Variants in UCP2 observed in about 807,000 individuals in gnomAD.
UCP2 encodes dicarboxylate carrier SLC25A8.
Under a neutral mutation model 31.3 loss-of-function variants are expected in UCP2, and 27 were observed. That is an observed-to-expected ratio of 0.86 (90% CI 0.64 to 1.19). UCP2 has a LOEUF of 1.19. UCP2 is among the 50% of genes most tolerant of loss of function. UCP2 has a pLI of 0.00. For synonymous variants in UCP2, 142 were observed against 157.4 expected, an observed-to-expected ratio of 0.90 and a Z score of 0.73; for missense variants, 377 against 413.5, an observed-to-expected ratio of 0.91 and a Z score of 0.76.
Position 73,978,072 on chromosome 11 carries a change from C to T in UCP2, c.151G>A (p.Val51Met), listed in dbSNP as rs369398270. Reference sequence around the variant, plus strand: ...TACTGGGCGCTGGCTGTAGCGCGCACTGGCCCCTGACTTTCTCCTTGGATC... The same window carrying T: ...TACTGGGCGCTGGCTGTAGCGCGCATTGGCCCCTGACTTTCTCCTTGGATC... The part of the protein sequence containing the change: ...LQIQGESQGP[V>M]RATASAQYRG... Residue 51 changes from valine to methionine, a missense_variant, in exon 4 of 8, where the codon GTG (valine) becomes ATG (methionine). Transcript: ENST00000663595. 21 of 1,614,020 alleles carry T rather than the reference C, an allele frequency of 1.3e-5. No individual in the cohort carries two copies. Among genetic ancestry groups the T allele is most frequent in the Non-Finnish European group, 1.8e-5 (21 of 1,180,008 alleles).
chr11:73,977,781 T>TC, intron 4 of UCP2, 105 bp downstream of exon 4: 2 of 1,470,478 alleles, frequency 1.4e-6, no homozygotes, highest in Non-Finnish European at 1.9e-6. Context: ...CCCCTGATCT[T>TC]CCTAGGGATC....
chr11:73,975,227 G>T (rs1462719919), intron 7 of UCP2, 106 bp from the exon 8 acceptor site: 3 of 1,131,862 alleles, frequency 2.7e-6, no homozygotes, highest in South Asian at 1.3e-5. Context: ...AGGAGGCTGG[G>T]AGGACTCAAT....
chr11:73,980,773 G>C (rs1372099434), intron 2 of UCP2: 2 of 152,212 alleles, frequency 1.3e-5, no homozygotes, highest in Admixed American at 6.5e-5. Flanking sequence ...CTTTCACAAG[G>C]AAAGTTCTCA....
At chr11:73,979,185 A>G (rs1951411625) in intron 2 of UCP2, among the ~76,000 whole-genome samples, 3 of 152,228 alleles carry the variant, frequency 2.0e-5, no homozygotes, top group Admixed American at 6.5e-5. Context: ...CTTACAGGAC[A>G]TACTCTCAAA....
At chr11:73,978,184 G>T (rs749401120) in intron 3 of UCP2, 69 bp downstream of exon 3, 15 of 1,613,878 alleles carry the variant, frequency 9.3e-6, no homozygotes, top group Non-Finnish European at 1.3e-5. Context: ...ACTGGCCCTT[G>T]AGGGGTCTGT....
chr11:73,979,089 G>T (rs1264090575), intron 2 of UCP2, among the ~76,000 whole-genome samples: 1 of 152,248 alleles, frequency 6.6e-6, no homozygotes, highest in African/African-American at 2.4e-5. Flanking sequence ...GGTTCACTGA[G>T]ATGCAGGAGA....
At chr11:73,981,109 C>T (rs978933495) in intron 2 of UCP2, 2 of 152,148 alleles carry the variant, frequency 1.3e-5, no homozygotes, top group Non-Finnish European at 2.9e-5. Context: ...AGTTTCAGAG[C>T]CGGGCTGATT....
chr11:73,979,232 A>G (rs1951412855), intron 2 of UCP2, among the ~76,000 whole-genome samples: 1 of 152,186 alleles, frequency 6.6e-6, no homozygotes, highest in Non-Finnish European at 1.5e-5. Flanking sequence ...ATTGGGAGAG[A>G]AGGAAGAGTG....
In UCP2 at chr11:73,975,663, G is replaced by T. The variant is rs569681534; in HGVS notation, c.643C>A (p.Pro215Thr). Residue 215 changes from proline (P) to threonine (T), a missense_variant, in exon 7 of 8, where the codon CCT becomes ACT. Pro to Thr is a conservative substitution (Grantham distance 38). Coordinates refer to ENST00000663595, the MANE Select transcript of UCP2 (RefSeq NM_003355.3). ...LKANLMTDDLPCHFTSAFGAG... is the reference protein window; with the variant it reads ...LKANLMTDDLTCHFTSAFGAG... ...CCAAAGGCAGAAGTGAAGTGGCAAG[G>T]GAGGTCATCTGCCAAGGAGGAGCAG... 7.4e-6 allele frequency: 12 copies of T among 1,613,688 alleles called. No individual in the cohort carries two copies. The highest frequency in any genetic ancestry group is 1.6e-4 in the Middle Eastern group (1 of 6,062).
chr11:73,978,029 G>A lies in UCP2; in HGVS notation c.194C>T (p.Thr65Ile), dbSNP rs763502417. The A allele has an allele frequency of 8.7e-6, 14 of 1,614,072 alleles. No homozygotes were observed. The highest frequency in any genetic ancestry group is 1.0e-5 in the Non-Finnish European group (12 of 1,180,040). ...ASAQYRGVMGTILTMVRTEGP... is the reference protein window; with the variant it reads ...ASAQYRGVMGIILTMVRTEGP... ...CTCAGTACGCACCATGGTCAGAATGGTGCCCATCACACCGCGGTACTGGGC... is the reference window on the plus strand; with the variant it reads ...CTCAGTACGCACCATGGTCAGAATGATGCCCATCACACCGCGGTACTGGGC... Residue 65 changes from threonine (T) to isoleucine (I), a missense_variant, in exon 4 of 8, where the codon ACC becomes ATC. Thr to Ile is a moderately conservative substitution (Grantham distance 89, BLOSUM62 -1). Transcript: ENST00000663595.
Sources: gnomAD v4.1 joint callset for allele counts (sites outside exome capture counted in the v4.1 genomes callset) on GRCh38, gnomAD v4.1.1 for gene constraint, MANE v1.5 for transcripts, NCBI Gene and HGNC (gene_info 2026-07-23, HGNC 2026-07-21) for gene names.